CDK8: variants seen among roughly 807,000 people sequenced by gnomAD.
The protein encoded by CDK8 is cyclin-dependent kinase 8.
CDK8 carries 29 observed loss-of-function variants against 71.5 expected under a neutral mutation model. The observed-to-expected ratio is 0.41, with a 90% CI of 0.30 to 0.55. The LOEUF (loss-of-function observed/expected upper bound fraction) is 0.55, where lower values mean the gene tolerates loss of function less well. CDK8 is among the 20% of genes least tolerant of loss of function. The pLI is 0.37. For synonymous variants in CDK8, 161 were observed against 192.1 expected (o/e 0.84, Z 1.34); for missense variants, 288 against 572.6 (o/e 0.50, Z 5.07).
chr13:26,269,795 G>A (rs1386286430), intron 1 of CDK8, among the ~76,000 whole-genome samples: 2 of 151,774 alleles, frequency 1.3e-5, no homozygotes, highest in Admixed American at 6.6e-5. Flanking sequence ...TTTTTTCTTA[G>A]TAAAATTCTG....
intron 1 of CDK8, among the ~76,000 whole-genome samples, chr13:26,279,968 TG>T (rs553291667): frequency 3.9e-5 from 5 of 127,370 alleles, no homozygotes; most frequent in Non-Finnish European, 9.4e-5. Flanking sequence ...AGAAGAAAAT[TG>T]TGTGTGTGTG....
intron 1 of CDK8, among the ~76,000 whole-genome samples, chr13:26,266,442 T>C (rs747971370): frequency 3.3e-5 from 5 of 152,140 alleles, no homozygotes; most frequent in African/African-American, 7.2e-5. Flanking sequence ...GGTTGCCATA[T>C]TGTATAACAG....
At chr13:26,329,954 A>G (rs1327634989) in intron 1 of CDK8, among the ~76,000 whole-genome samples, 1 of 152,102 alleles carries the variant, frequency 6.6e-6, no homozygotes, top group Non-Finnish European at 1.5e-5. Flanking sequence ...TTTTGTATAT[A>G]CTGTTTCCAC....
chr13:26,369,526 A>ATTTTT (rs1203523401), intron 4 of CDK8, among the ~76,000 whole-genome samples: 2 of 98,458 alleles, frequency 2.0e-5, no homozygotes, highest in African/African-American at 8.8e-5. Flanking sequence ...AGGTTGGACG[A>ATTTTT]TTTTTTTTTT....
rs1466304110 is a variant in CDK8, at chr13:26,254,596, C to T, written c.-46C>T. 3.2e-6 allele frequency: 4 copies of T among 1,269,692 alleles called. No individual in the cohort carries two copies. The highest frequency in any genetic ancestry group is 1.5e-5 in the African/African-American group (1 of 66,886). The allele number at this position is 1,269,692 out of a possible 1,614,324, so 78.7% of individuals were successfully genotyped here. A position where few individuals can be genotyped will look rare whatever the true frequency, so the allele number is the denominator to read the frequency against. On this transcript the variant is annotated 5_prime_UTR_variant, in exon 1 of 13. Transcript: ENST00000381527. This position sits in a 1 kb window ranked among gnomAD's most constrained non-coding sequence, Gnocchi z 6.7. ...CGTGCTTCCCCGGTCCCCACCCCTGCCCCCCGGCCCCCCGACCCAGCTCTC... is the reference window on the plus strand; with the variant it reads ...CGTGCTTCCCCGGTCCCCACCCCTGTCCCCCGGCCCCCCGACCCAGCTCTC...
chr13:26,260,708 AATT>A (rs1871734745), intron 1 of CDK8, among the ~76,000 whole-genome samples: 2 of 152,192 alleles, frequency 1.3e-5, no homozygotes, highest in South Asian at 4.1e-4. Flanking sequence ...GAAAAATTAT[AATT>A]ATTATAGGCC....
At chr13:26,355,326 G>A (rs1873847318) in intron 4 of CDK8, among the ~76,000 whole-genome samples, 1 of 152,178 alleles carries the variant, frequency 6.6e-6, no homozygotes, top group South Asian at 2.1e-4. Context: ...TATAAAAATA[G>A]ATTTACAGGC....
chr13:26,316,098 C>T (rs1271611086), intron 1 of CDK8, among the ~76,000 whole-genome samples: 1 of 152,184 alleles, frequency 6.6e-6, no homozygotes, highest in Non-Finnish European at 1.5e-5. Flanking sequence ...TTGGATCATG[C>T]CTGCAATCCC....
intron 1 of CDK8, among the ~76,000 whole-genome samples, chr13:26,301,996 A>G (rs968825625): frequency 2.6e-5 from 4 of 152,306 alleles, no homozygotes; most frequent in African/African-American, 7.2e-5. Context: ...AAAATGGTTC[A>G]CAGAAAGTGA....
chr13:26,340,177 A>G (rs1593274498), intron 2 of CDK8, among the ~76,000 whole-genome samples: 1 of 152,070 alleles, frequency 6.6e-6, no homozygotes, highest in East Asian at 1.9e-4. Flanking sequence ...TTCTTTTCTT[A>G]TTCTGTTAAT....
At position 26,401,578 on chromosome 13, in the gene CDK8, C is replaced by T; in HGVS notation, c.1223C>T (p.Pro408Leu). The T allele has an allele frequency of 6.2e-7, 1 of 1,614,184 alleles. No homozygotes were observed. The highest frequency in any genetic ancestry group is 1.7e-5 in the Admixed American group (1 of 60,036). The change falls in exon 12 of 13, where the codon CCT becomes CTT. Residue 408 changes from proline to leucine, a missense_variant. By Grantham distance (98) the Pro-to-Leu change is moderately conservative. Around this residue, in one of 6 missense-constraint regions of CDK8, gnomAD observed 76 missense variants for 99.7 expected, o/e 0.76. Coordinates refer to ENST00000381527, the MANE Select transcript of CDK8 (RefSeq NM_001260.3). The surrounding 1 kb of genome is among the most constrained non-coding windows in gnomAD (Gnocchi z 4.5). ...GPPLKKVRVV[P>L]PTTTSGGLIM... The stretch of plus-strand genomic sequence containing the variant: ...CCGTTGAAGAAAGTGAGAGTTGTTC[C>T]TCCTACCACTACCTCAGGTGGACTT...
chr13:26,291,991 G>A (rs1873325796), intron 1 of CDK8, among the ~76,000 whole-genome samples: 1 of 152,176 alleles, frequency 6.6e-6, no homozygotes. Context: ...TTAAAAAAAT[G>A]TCTATTCAAT....
At chr13:26,363,510 A>G (rs1874246204) in intron 4 of CDK8, among the ~76,000 whole-genome samples, 1 of 151,784 alleles carries the variant, frequency 6.6e-6, no homozygotes, top group African/African-American at 2.4e-5. Flanking sequence ...TTATTTTGGA[A>G]AAAATAAGCT....
Position 26,386,928 on chromosome 13 carries a change from C to T in CDK8, c.646+1586C>T, listed in dbSNP as rs779965327. Among the ~76,000 whole-genome samples the T allele has an allele frequency of 5.3e-5, 8 of 152,206 alleles. 1 individual carries two copies. Among genetic ancestry groups the T allele is most frequent in the South Asian group, 2.1e-4 (1 of 4,834 alleles). On this transcript the variant is annotated intron_variant, in intron 6 of 12. Transcript: ENST00000381527. The stretch of plus-strand genomic sequence containing the variant: ...ATATGCTGACCACTTGGTGGGCACA[C>T]TCAATCTGAAGTTCATATCTTGTAT...
intron 4 of CDK8, among the ~76,000 whole-genome samples, chr13:26,361,861 C>G (rs1349707641): frequency 7.8e-6 from 1 of 127,908 alleles, no homozygotes; most frequent in Non-Finnish European, 1.5e-5. Flanking sequence ...AACTCCTGGG[C>G]TCAAGAGATC....
chr13:26,403,878 T>C (rs543080943), intron 12 of CDK8, 78 bp from the exon 13 acceptor site: 1 of 1,534,940 alleles, frequency 6.5e-7, no homozygotes, highest in African/African-American at 1.4e-5. Flanking sequence ...TGAAACATAA[T>C]GACACTTCAG....
In CDK8 at chr13:26,372,280, G is replaced by A. The variant is rs113282438; in HGVS notation, c.457-10534G>A. 5.8e-3 allele frequency among the ~76,000 whole-genome samples: 881 copies of A among 152,268 alleles called. 10 individuals carry two copies. Among genetic ancestry groups the A allele is most frequent in the African/African-American group, 0.02 (834 of 41,556 alleles). On this transcript the variant is annotated intron_variant, in intron 4 of 12. Transcript: ENST00000381527. ...CTTGAGTGAAATATATACATTCATT[G>A]CAAATTGAAACACCTCAATATTAAA...
intron 2 of CDK8, among the ~76,000 whole-genome samples, chr13:26,348,458 A>G (rs1873551525): frequency 1.3e-5 from 2 of 152,182 alleles, no homozygotes; most frequent in African/African-American, 4.8e-5. Flanking sequence ...TGAACTGCGC[A>G]TGTGAAGGAT....
intron 4 of CDK8, among the ~76,000 whole-genome samples, chr13:26,376,223 GTTAAA>G (rs958834656): frequency 1.2e-3 from 9 of 7,336 alleles, no homozygotes; most frequent in African/African-American, 1.2e-3. Context: ...AATACATCAA[GTTAAA>G]TTAATAATAA....
Sources: gnomAD v4.1 joint callset for allele counts (sites outside exome capture counted in the v4.1 genomes callset) on GRCh38, gnomAD v4.1.1 for gene constraint, gnomAD v4.1.1 regional missense constraint, Gnocchi (gnomAD v3.1) non-coding constraint, MANE v1.5 for transcripts, NCBI Gene and HGNC (gene_info 2026-07-23, HGNC 2026-07-21) for gene names.